The following DCC variants were observed in gnomAD, a reference collection of about 807,000 sequenced individuals.
The protein encoded by DCC is DCC netrin 1 receptor.
A neutral mutation model predicts 172.5 loss-of-function variants in DCC; 58 were observed. The ratio of observed to expected loss-of-function variants is 0.34; its 90% CI spans 0.27 to 0.42. The LOEUF is 0.42. DCC is among the 10% of genes least tolerant of loss of function. DCC has a pLI of 1.00. For synonymous variants in DCC, 709 were observed against 644.5 expected, an observed-to-expected ratio of 1.10 and a Z score of -1.52; for missense variants, 1,740 against 1,791.0, an observed-to-expected ratio of 0.97 and a Z score of 0.51.
Position 53,391,826 on chromosome 18 carries a change from C to T in DCC, c.2627C>T (p.Ser876Phe), listed in dbSNP as rs1908571023. 6.2e-7 allele frequency: 1 copy of T among 1,613,916 alleles called. No homozygotes were observed. Among genetic ancestry groups the T allele is most frequent in the Non-Finnish European group, 8.5e-7 (1 of 1,179,906 alleles). The change falls in exon 17 of 29, where the codon TCT (serine) becomes TTT (phenylalanine). Residue 876 changes from serine (S) to phenylalanine (F), a missense_variant. Ser to Phe is a radical substitution (Grantham distance 155, BLOSUM62 -2). Coordinates refer to ENST00000442544, the MANE Select transcript of DCC (RefSeq NM_005215.4). ...TCTGTCCCTAAGAACCAAAAGACGT[C>T]TGAGGTGCGACTTTACACCGTCCGG... ...DNSVPKNQKT[S>F]EVRLYTVRWR...
chr18:53,501,697 A>C (rs1262488557), intron 27 of DCC, among the ~76,000 whole-genome samples: 1 of 152,178 alleles, frequency 6.6e-6, no homozygotes, highest in Admixed American at 6.5e-5. Flanking sequence ...AACAGCTGAA[A>C]ATGACATTCT....
Position 52,679,904 on chromosome 18 carries a change from A to T in DCC, c.92-72150A>T, listed in dbSNP as rs183022910. On this transcript the variant is annotated intron_variant, in intron 1 of 28. Transcript: ENST00000442544. ...TGTCCTGTATTCTAATAGACTTTTT[A>T]AAAAATCATATATTTTGTATAAACA... 4.9e-3 allele frequency among the ~76,000 whole-genome samples: 751 copies of T among 152,218 alleles called. 4 individuals are homozygous for T. The highest frequency in any genetic ancestry group is 0.018 in the African/African-American group (728 of 41,532).
intron 2 of DCC, among the ~76,000 whole-genome samples, chr18:52,821,141 G>A: frequency 6.6e-6 from 1 of 152,194 alleles, no homozygotes; most frequent in African/African-American, 2.4e-5. Context: ...ACCAAAGAAA[G>A]TGAAGAAATC....
In DCC at chr18:53,428,483, AT is replaced by A. The variant is rs1242687881; in HGVS notation, c.3164-6655del. Among the ~76,000 whole-genome samples, 93 of 33,264 alleles carry A rather than the reference AT, an allele frequency of 2.8e-3. 13 individuals are homozygous for A. The highest frequency in any genetic ancestry group is 5.8e-3 in the African/African-American group (77 of 13,314). The allele number at this position is 33,264 out of a possible 152,430, so 21.8% of individuals were successfully genotyped here. A position where few individuals can be genotyped will look rare whatever the true frequency, so the allele number is the denominator to read the frequency against. ...ATATATTATATAATATATAATATAT[AT>A]TTTTTATATATTTATATTGTATATT... On this transcript the variant is annotated intron_variant, in intron 21 of 28. Coordinates refer to ENST00000442544, the MANE Select transcript of DCC (RefSeq NM_005215.4).
intron 1 of DCC, among the ~76,000 whole-genome samples, chr18:52,449,004 G>T (rs1988218294): frequency 6.6e-6 from 1 of 152,212 alleles, no homozygotes; most frequent in Non-Finnish European, 1.5e-5. Context: ...ATTTACAAAA[G>T]AAAGAAATGT....
At chr18:52,659,074 A>T (rs1289067050) in intron 1 of DCC, among the ~76,000 whole-genome samples, 1 of 152,134 alleles carries the variant, frequency 6.6e-6, no homozygotes, top group African/African-American at 2.4e-5. Context: ...ACTTTTGATA[A>T]ATGTTCCATC....
At chr18:53,037,585 A>G (rs1260257573) in intron 5 of DCC, among the ~76,000 whole-genome samples, 2 of 151,960 alleles carry the variant, frequency 1.3e-5, no homozygotes. Context: ...AAAAAAATTG[A>G]AGTCCTAAAA....
intron 8 of DCC, among the ~76,000 whole-genome samples, chr18:53,170,121 A>G (rs1207389003): frequency 6.6e-6 from 1 of 152,178 alleles, no homozygotes; most frequent in East Asian, 1.9e-4. Flanking sequence ...CATTTTCTCA[A>G]TATGCTTTTG....
chr18:52,535,136 C>T (rs2032253893), intron 1 of DCC, among the ~76,000 whole-genome samples: 1 of 152,182 alleles, frequency 6.6e-6, no homozygotes, highest in African/African-American at 2.4e-5. Flanking sequence ...TGGAAGAGAA[C>T]AGATGATTAC....
intron 5 of DCC, among the ~76,000 whole-genome samples, chr18:53,039,406 T>C (rs949608987): frequency 2.6e-5 from 4 of 152,086 alleles, no homozygotes; most frequent in Admixed American, 2.6e-4. Context: ...GAATTTCCTG[T>C]GCTGCTCCAC....
At chr18:53,096,694 C>G (rs1160252767) in intron 7 of DCC, among the ~76,000 whole-genome samples, 1 of 151,898 alleles carries the variant, frequency 6.6e-6, no homozygotes, top group Non-Finnish European at 1.5e-5. Context: ...TAGCTTTATT[C>G]TACTAGATAC....
chr18:52,968,142 A>C (rs2040966250), intron 5 of DCC, among the ~76,000 whole-genome samples: 1 of 152,278 alleles, frequency 6.6e-6, no homozygotes, highest in Admixed American at 6.5e-5. Flanking sequence ...AATAACGCAA[A>C]GTTCCATCCT....
rs151195910 is a variant in DCC at position 53,241,599 on chromosome 18, C to T, written c.1911+26002C>T. ...TGTCTTCAAGGTTTTCTTCTGCTTC[C>T]GCCATAAAGAGAACCAGGCAGAGGT... On this transcript the variant is annotated intron_variant, in intron 12 of 28. Coordinates refer to ENST00000442544, the MANE Select transcript of DCC (RefSeq NM_005215.4). Among the ~76,000 whole-genome samples the T allele has an allele frequency of 4.4e-3, 674 of 152,222 alleles. 7 individuals carry two copies. The highest frequency in any genetic ancestry group is 0.016 in the African/African-American group (651 of 41,544).
intron 2 of DCC, among the ~76,000 whole-genome samples, chr18:52,765,877 T>C (rs1446566931): frequency 6.6e-6 from 1 of 152,190 alleles, no homozygotes; most frequent in Admixed American, 6.5e-5. Context: ...AGTTTTTTCA[T>C]GTATTAATGG....
intron 1 of DCC, among the ~76,000 whole-genome samples, chr18:52,744,252 G>A (rs2036872146): frequency 6.6e-6 from 1 of 152,016 alleles, no homozygotes; most frequent in African/African-American, 2.4e-5. Context: ...TATAACTTGT[G>A]TCCTTAATTT....
chr18:52,738,051 A>G (rs916959369), intron 1 of DCC, among the ~76,000 whole-genome samples: 7 of 152,300 alleles, frequency 4.6e-5, no homozygotes, highest in Admixed American at 3.9e-4. Context: ...ACATGGCAAC[A>G]TAAGTATCGA....
At chr18:52,554,104 G>A (rs185730001) in intron 1 of DCC, among the ~76,000 whole-genome samples, 1 of 152,200 alleles carries the variant, frequency 6.6e-6, no homozygotes, top group East Asian at 1.9e-4. Context: ...CAAGTGCTCT[G>A]TAAATGTTAG....
At chr18:53,380,916 A>G (rs919492231) in intron 15 of DCC, among the ~76,000 whole-genome samples, 3 of 152,176 alleles carry the variant, frequency 2.0e-5, no homozygotes, top group Non-Finnish European at 1.5e-5. Context: ...ACAGCATAGT[A>G]GGTATTGGTG....
At chr18:53,018,219 C>T (rs937089736) in intron 5 of DCC, among the ~76,000 whole-genome samples, 3 of 152,136 alleles carry the variant, frequency 2.0e-5, no homozygotes, top group African/African-American at 4.8e-5. Flanking sequence ...ATTATTTCTA[C>T]TTAGGCAACA....
Sources: gnomAD v4.1 joint callset for allele counts (sites outside exome capture counted in the v4.1 genomes callset) on GRCh38, gnomAD v4.1.1 for gene constraint, MANE v1.5 for transcripts, NCBI Gene and HGNC (gene_info 2026-07-23, HGNC 2026-07-21) for gene names.